EFR3A: variants seen among roughly 807,000 people sequenced by gnomAD.
EFR3A encodes the protein EFR3 homolog A.
EFR3A carries 76 observed loss-of-function variants against 104.4 expected under a neutral mutation model. The observed-to-expected ratio is 0.73, with a 90% CI of 0.60 to 0.88. The LOEUF is 0.88. EFR3A is among the 40% of genes least tolerant of loss of function. EFR3A has a pLI of 0.00. For missense variants in EFR3A, 985 were observed against 1,012.5 expected, an observed-to-expected ratio of 0.97 and a Z score of 0.37; for synonymous variants, 330 against 330.0, an observed-to-expected ratio of 1.00 and a Z score of 0.00.
At chr8:131,965,724 GGATT>G (rs1819673616) in intron 8 of EFR3A, among the ~76,000 whole-genome samples, 1 of 151,826 alleles carries the variant, frequency 6.6e-6, no homozygotes, top group South Asian at 2.1e-4. Context: ...TATACCCAAA[GGATT>G]GTAAATCATG....
At chr8:131,948,896 G>A (rs904932639) in intron 4 of EFR3A, among the ~76,000 whole-genome samples, 4 of 151,912 alleles carry the variant, frequency 2.6e-5, no homozygotes, top group East Asian at 1.9e-4. Context: ...GTGTTCGTAC[G>A]GTTTAATTTG....
At position 131,953,985 on chromosome 8, in the gene EFR3A, A is replaced by C; in HGVS notation, c.638+18A>C. ...GTTGACAGGTATTTAAAAAAATATT[A>C]GTGTTGAGACAGTGTTACTTTTATA... On this transcript the variant is annotated intron_variant, in intron 6 of 22. Coordinates refer to ENST00000254624, the MANE Select transcript of EFR3A (RefSeq NM_015137.6). 1.3e-6 allele frequency: 2 copies of C among 1,520,140 alleles called. No homozygotes were observed. The highest frequency in any genetic ancestry group is 1.8e-6 in the Non-Finnish European group (2 of 1,129,732). The allele number at this position is 1,520,140 out of a possible 1,614,324, so 94.2% of individuals were successfully genotyped here. A position where few individuals can be genotyped will look rare whatever the true frequency, so the allele number is the denominator to read the frequency against.
intron 14 of EFR3A, among the ~76,000 whole-genome samples, chr8:131,982,827 T>C (rs1820681814): frequency 6.6e-6 from 1 of 152,076 alleles, no homozygotes; most frequent in Non-Finnish European, 1.5e-5. Context: ...AGAAACCTTA[T>C]GTGTTTGAGA....
intron 10 of EFR3A, among the ~76,000 whole-genome samples, chr8:131,971,672 C>T (rs1369678670): frequency 7.2e-6 from 1 of 138,746 alleles, no homozygotes; most frequent in Non-Finnish European, 1.5e-5. Flanking sequence ...TGGGCGACAG[C>T]AAGACTCCGT....
rs2130761272 is a variant in EFR3A at position 131,986,349 on chromosome 8, T to A, written c.1937+88T>A. The A allele has an allele frequency of 4.9e-6, 3 of 608,456 alleles. No individual in the cohort carries two copies. The South Asian group carries it at 8.1e-5, about 16-fold the overall frequency. The allele number at this position is 608,456 out of a possible 1,614,324, so 37.7% of individuals were successfully genotyped here. A position where few individuals can be genotyped will look rare whatever the true frequency, so the allele number is the denominator to read the frequency against. On this transcript the variant is annotated intron_variant, in intron 17 of 22. Transcript: ENST00000254624. ...TATAAAGGAGTAAATATTGTTACAA[T>A]AATTCCTGGTGCTTTATACTAATCA... is the stretch of plus-strand genomic sequence containing the variant.
At chr8:132,010,253 G>C (rs1822261113) in intron 22 of EFR3A, among the ~76,000 whole-genome samples, 2 of 151,400 alleles carry the variant, frequency 1.3e-5, no homozygotes, top group Admixed American at 1.3e-4. Flanking sequence ...AGTACACTTT[G>C]ATGCAGAAAT....
At chr8:131,929,776 A>T (rs1176386590) in intron 1 of EFR3A, among the ~76,000 whole-genome samples, 1 of 152,140 alleles carries the variant, frequency 6.6e-6, no homozygotes, top group Non-Finnish European at 1.5e-5. Flanking sequence ...TTCAGAGGGT[A>T]GCAGTTTCAC....
chr8:131,910,864 A>G (rs1181247893), intron 1 of EFR3A, among the ~76,000 whole-genome samples: 2 of 152,140 alleles, frequency 1.3e-5, no homozygotes, highest in African/African-American at 2.4e-5. Context: ...AGAGGTTTTT[A>G]TTGGTACCAT....
chr8:131,986,125 T>C, intron 16 of EFR3A, 69 bp from the exon 17 acceptor site: 2 of 714,768 alleles, frequency 2.8e-6, no homozygotes, highest in East Asian at 2.7e-5. Flanking sequence ...AGCTGTTTTC[T>C]GAATTTTTAT....
intron 1 of EFR3A, among the ~76,000 whole-genome samples, chr8:131,937,671 A>G (rs971577491): frequency 1.3e-5 from 2 of 152,206 alleles, no homozygotes; most frequent in Non-Finnish European, 2.9e-5. Context: ...GGCACTAGAC[A>G]TACAATTGGG....
At chr8:131,961,561 T>C (rs1819331126) in intron 8 of EFR3A, among the ~76,000 whole-genome samples, 1 of 151,928 alleles carries the variant, frequency 6.6e-6, no homozygotes, top group African/African-American at 2.4e-5. Context: ...TGGGACTACG[T>C]GAAAAGACCA....
intron 22 of EFR3A, among the ~76,000 whole-genome samples, chr8:132,006,211 T>G (rs1427969655): frequency 1.3e-5 from 2 of 152,012 alleles, no homozygotes; most frequent in African/African-American, 4.8e-5. Context: ...TAAGCTAAAC[T>G]AAGTATATCA....
chr8:131,956,919 T>C lies in EFR3A; in HGVS notation c.776+1014T>C, dbSNP rs114347975. On this transcript the variant is annotated intron_variant, in intron 7 of 22. Coordinates refer to ENST00000254624, the MANE Select transcript of EFR3A (RefSeq NM_015137.6). Reference sequence around the variant, plus strand: ...TTTTTTAATATCTAGATGTGCTGACTTAACGTCAGAATTCCATTTTTTATC... The same window carrying C: ...TTTTTTAATATCTAGATGTGCTGACCTAACGTCAGAATTCCATTTTTTATC... 6.0e-3 allele frequency among the ~76,000 whole-genome samples: 916 copies of C among 152,266 alleles called. 5 individuals carry two copies. Among genetic ancestry groups the C allele is most frequent in the African/African-American group, 0.021 (880 of 41,548 alleles).
chr8:131,988,449 T>A (rs979453172), intron 18 of EFR3A, among the ~76,000 whole-genome samples: 1 of 151,784 alleles, frequency 6.6e-6, no homozygotes, highest in African/African-American at 2.4e-5. Flanking sequence ...TGTAAATGGC[T>A]TTTTTTTAAT....
intron 18 of EFR3A, among the ~76,000 whole-genome samples, chr8:131,993,942 G>A (rs1586666489): frequency 6.6e-6 from 1 of 152,232 alleles, no homozygotes; most frequent in East Asian, 1.9e-4. Flanking sequence ...AGGGTGGAGG[G>A]TGGGAGAAAG....
chr8:131,988,563 A>G (rs1489327072), intron 18 of EFR3A, among the ~76,000 whole-genome samples: 2 of 152,088 alleles, frequency 1.3e-5, no homozygotes, highest in African/African-American at 4.8e-5. Context: ...TTATGCTTTA[A>G]AAGATTGTGT....
At chr8:131,912,622 T>C (rs1217617114) in intron 1 of EFR3A, among the ~76,000 whole-genome samples, 2 of 152,210 alleles carry the variant, frequency 1.3e-5, no homozygotes, top group East Asian at 3.8e-4. Flanking sequence ...TTCTCTATAA[T>C]TGGTGTTTTC....
chr8:132,011,497 A>G lies in EFR3A; in HGVS notation c.*602A>G. 1.1e-6 allele frequency: 1 copy of G among 886,342 alleles called. No individual in the cohort carries two copies. The highest frequency in any genetic ancestry group is 1.4e-6 in the Non-Finnish European group (1 of 739,536). The allele number at this position is 886,342 out of a possible 1,614,324, so 54.9% of individuals were successfully genotyped here. ...ATCTGTTGAATAGCATTCCTCGAAT[A>G]TAACCCTAAAAACGCCATACTTTAA... On this transcript the variant is annotated 3_prime_UTR_variant, in exon 23 of 23. Coordinates refer to ENST00000254624, the MANE Select transcript of EFR3A (RefSeq NM_015137.6).
intron 18 of EFR3A, among the ~76,000 whole-genome samples, chr8:131,988,246 T>C (rs1820998754): frequency 6.6e-6 from 1 of 152,084 alleles, no homozygotes; most frequent in South Asian, 2.1e-4. Context: ...CATAGTGTCT[T>C]GTATTCAACT....
Sources: gnomAD v4.1 joint callset for allele counts (sites outside exome capture counted in the v4.1 genomes callset) on GRCh38, gnomAD v4.1.1 for gene constraint, MANE v1.5 for transcripts, NCBI Gene and HGNC (gene_info 2026-07-23, HGNC 2026-07-21) for gene names.